Variants in KCNB2 observed in about 807,000 individuals in gnomAD.
The protein encoded by KCNB2 is delayed rectifier potassium channel protein.
Under a neutral mutation model 61.5 loss-of-function variants are expected in KCNB2, and 15 were observed. That is an observed-to-expected ratio of 0.24 (90% CI 0.16 to 0.38). The LOEUF is 0.38. KCNB2 is among the 10% of genes least tolerant of loss of function. The pLI, the probability that KCNB2 is intolerant of heterozygous loss-of-function variation, is 1.00. For synonymous variants in KCNB2, 457 were observed against 446.0 expected, an observed-to-expected ratio of 1.02 and a Z score of -0.31; for missense variants, 828 against 1,125.2, an observed-to-expected ratio of 0.74 and a Z score of 3.78.
rs1043836964 is a variant in KCNB2, at chr8:72,854,814, G to A, written c.580-81121G>A. On this transcript the variant is annotated intron_variant, in intron 2 of 2. Transcript: ENST00000523207. ...AAGGCACCGTGGCAGGAGGGGACAT[G>A]GTCAAATGTTACAGGTCAGGTTAGA... Among the ~76,000 whole-genome samples, 4 of 152,184 alleles carry A rather than the reference G, an allele frequency of 2.6e-5. 1 individual carries two copies.
At chr8:72,904,829 C>T (rs1806147657) in intron 2 of KCNB2, among the ~76,000 whole-genome samples, 1 of 151,972 alleles carries the variant, frequency 6.6e-6, no homozygotes, top group Admixed American at 6.6e-5. Flanking sequence ...CCCTCTCTGC[C>T]CTTACTTGCC....
At chr8:72,856,460 A>G (rs1432051487) in intron 2 of KCNB2, among the ~76,000 whole-genome samples, 1 of 152,136 alleles carries the variant, frequency 6.6e-6, no homozygotes, top group Non-Finnish European at 1.5e-5. Context: ...AAAACCTGAA[A>G]CTAAATTGAA....
At chr8:72,798,160 C>T (rs1809061583) in intron 2 of KCNB2, among the ~76,000 whole-genome samples, 1 of 151,940 alleles carries the variant, frequency 6.6e-6, no homozygotes, top group Non-Finnish European at 1.5e-5. Flanking sequence ...ATTTTTATGA[C>T]TTTTAAGAAA....
intron 2 of KCNB2, among the ~76,000 whole-genome samples, chr8:72,642,272 A>G (rs1198251628): frequency 6.6e-6 from 1 of 152,318 alleles, no homozygotes; most frequent in Non-Finnish European, 1.5e-5. Flanking sequence ...TGTCAAACTG[A>G]TAATGTTTTG....
At chr8:72,929,795 T>C (rs975799718) in intron 2 of KCNB2, among the ~76,000 whole-genome samples, 1 of 152,124 alleles carries the variant, frequency 6.6e-6, no homozygotes, top group Admixed American at 6.6e-5. Context: ...AATTGTTTTT[T>C]TTATTTCTTT....
At chr8:72,796,269 T>G (rs1284480566) in intron 2 of KCNB2, among the ~76,000 whole-genome samples, 2 of 152,188 alleles carry the variant, frequency 1.3e-5, no homozygotes, top group Non-Finnish European at 2.9e-5. Flanking sequence ...TCAGGTTTGC[T>G]CTTTACAGCC....
intron 1 of KCNB2, among the ~76,000 whole-genome samples, chr8:72,538,647 A>G (rs1806148949): frequency 6.6e-6 from 1 of 152,200 alleles, no homozygotes; most frequent in Admixed American, 6.5e-5. Context: ...ACATTGAAAA[A>G]AATTTAGTAT....
intron 1 of KCNB2, among the ~76,000 whole-genome samples, chr8:72,563,082 T>C (rs1442036896): frequency 6.6e-6 from 1 of 152,150 alleles, no homozygotes; most frequent in Non-Finnish European, 1.5e-5. Flanking sequence ...CCATGATAAA[T>C]ATTAAAGTAA....
chr8:72,587,380 C>T (rs569793880), intron 2 of KCNB2, among the ~76,000 whole-genome samples: 11 of 152,172 alleles, frequency 7.2e-5, no homozygotes, highest in South Asian at 2.1e-4. Flanking sequence ...AAAGAAGCAG[C>T]GAATGACTTT....
At chr8:72,541,661 C>A (rs1806189603) in intron 1 of KCNB2, among the ~76,000 whole-genome samples, 1 of 152,100 alleles carries the variant, frequency 6.6e-6, no homozygotes, top group Admixed American at 6.5e-5. Flanking sequence ...AGAAAACCCC[C>A]ATATTTTCAA....
chr8:72,801,860 C>G (rs927629327), intron 2 of KCNB2, among the ~76,000 whole-genome samples: 1 of 151,964 alleles, frequency 6.6e-6, no homozygotes, highest in Non-Finnish European at 1.5e-5. Context: ...CAAAAAACAG[C>G]AACCTGCCCT....
At position 72,904,188 on chromosome 8, in the gene KCNB2, A is replaced by G. The variant is rs143120399; in HGVS notation, c.580-31747A>G. Among the ~76,000 whole-genome samples the G allele has an allele frequency of 7.4e-4, 112 of 152,258 alleles. 1 individual carries two copies. Among genetic ancestry groups the G allele is most frequent in the Non-Finnish European group, 4.0e-4 (27 of 68,004 alleles). On this transcript the variant is annotated intron_variant, in intron 2 of 2. Transcript: ENST00000523207. ...GCTGCATCACCAATCACTTTCATCAATGTGCTTACAGATAAGTATAGCATT... is the reference window on the plus strand; with the variant it reads ...GCTGCATCACCAATCACTTTCATCAGTGTGCTTACAGATAAGTATAGCATT...
chr8:72,768,823 T>C (rs1237157107), intron 2 of KCNB2, among the ~76,000 whole-genome samples: 1 of 152,006 alleles, frequency 6.6e-6, no homozygotes, highest in African/African-American at 2.4e-5. Flanking sequence ...ACACTATTTT[T>C]CCCCCCATTA....
At chr8:72,544,586 G>A (rs550037605) in intron 1 of KCNB2, among the ~76,000 whole-genome samples, 2 of 152,224 alleles carry the variant, frequency 1.3e-5, no homozygotes, top group African/African-American at 2.4e-5. Context: ...AATTCCTGAC[G>A]GCAAACACTT....
intron 2 of KCNB2, among the ~76,000 whole-genome samples, chr8:72,809,972 G>A (rs941294911): frequency 6.6e-6 from 1 of 152,086 alleles, no homozygotes; most frequent in Non-Finnish European, 1.5e-5. Context: ...TACTGTCAAT[G>A]GGACCAGAAC....
intron 2 of KCNB2, among the ~76,000 whole-genome samples, chr8:72,781,126 G>A (rs879602211): frequency 1.3e-5 from 2 of 152,104 alleles, no homozygotes; most frequent in Non-Finnish European, 2.9e-5. Context: ...ACCTTTGTCA[G>A]ATGGATAGAA....
Position 72,937,643 on chromosome 8 carries a change from A to G in KCNB2, c.2288A>G (p.Gln763Arg), listed in dbSNP as rs762340783. 3 of 1,614,044 alleles carry G rather than the reference A, an allele frequency of 1.9e-6. No individual in the cohort carries two copies. The South Asian group carries it at 3.3e-5, about 18-fold the overall frequency. Residue 763 changes from glutamine (Q) to arginine (R), a missense_variant, in exon 3 of 3, where the codon CAG becomes CGG. By Grantham distance (43) the Gln-to-Arg change is conservative (BLOSUM62 1). This residue lies in a region of KCNB2 where 559 missense variants were observed against 588.4 expected (regional missense o/e 0.95). Coordinates refer to ENST00000523207, the MANE Select transcript of KCNB2 (RefSeq NM_004770.3). ...ATCCTCTTAGAAGAAACCCCCTCCC[A>G]GGGAGACAGACCCTTGCTGGGCACT... is the stretch of plus-strand genomic sequence containing the variant. ...STILLEETPS[Q>R]GDRPLLGTEV...
At chr8:72,596,680 T>C (rs193117366) in intron 2 of KCNB2, among the ~76,000 whole-genome samples, 2 of 152,306 alleles carry the variant, frequency 1.3e-5, no homozygotes, top group Admixed American at 1.3e-4. Context: ...TTGTCTAGTG[T>C]TCTATATACT....
intron 2 of KCNB2, among the ~76,000 whole-genome samples, chr8:72,863,490 A>G (rs892595091): frequency 1.3e-5 from 2 of 152,222 alleles, no homozygotes; most frequent in Non-Finnish European, 2.9e-5. Flanking sequence ...AAAGGAAAAG[A>G]AAAAAACAGG....
Sources: gnomAD v4.1 joint callset for allele counts (sites outside exome capture counted in the v4.1 genomes callset) on GRCh38, gnomAD v4.1.1 for gene constraint, gnomAD v4.1.1 regional missense constraint, MANE v1.5 for transcripts, NCBI Gene and HGNC (gene_info 2026-07-23, HGNC 2026-07-21) for gene names.